Variants in DPP10 observed in about 807,000 individuals in gnomAD.
DPP10 encodes the protein inactive dipeptidyl peptidase 10.
DPP10 carries 33 observed loss-of-function variants against 120.9 expected under a neutral mutation model. That is an observed-to-expected ratio of 0.27 (90% CI 0.21 to 0.37). DPP10 has a LOEUF of 0.37. Ranked by LOEUF, DPP10 falls within the 10% of genes least tolerant of loss-of-function variation. DPP10 has a pLI of 1.00. For missense variants in DPP10, 816 were observed against 942.8 expected (o/e 0.87, Z 1.76); for synonymous variants, 337 against 326.1 (o/e 1.03, Z -0.36).
intron 1 of DPP10, among the ~76,000 whole-genome samples, chr2:115,205,847 T>C (rs2056084777): frequency 6.6e-6 from 1 of 151,944 alleles, no homozygotes; most frequent in African/African-American, 2.4e-5. Flanking sequence ...GACATAAAGA[T>C]GGGAACAGTA....
At chr2:114,979,461 T>C (rs1294776554) in intron 1 of DPP10, among the ~76,000 whole-genome samples, 4 of 152,018 alleles carry the variant, frequency 2.6e-5, no homozygotes, top group Non-Finnish European at 4.4e-5. Flanking sequence ...TTGGTAGGCT[T>C]TCTCTATTCT....
At chr2:114,682,569 AATTATT>A (rs143088528) in intron 1 of DPP10, among the ~76,000 whole-genome samples, 154 of 149,164 alleles carry the variant, frequency 1.0e-3, no homozygotes, top group African/African-American at 3.4e-3. Flanking sequence ...ATCGATGGGT[AATTATT>A]ATTATTATTA....
At chr2:114,513,463 G>A (rs1170774560) in intron 1 of DPP10, among the ~76,000 whole-genome samples, 2 of 144,088 alleles carry the variant, frequency 1.4e-5, no homozygotes, top group African/African-American at 5.2e-5. Flanking sequence ...AGAGGTGGCA[G>A]TGAGCCAAGA....
intron 1 of DPP10, among the ~76,000 whole-genome samples, chr2:115,146,005 G>A (rs1336415523): frequency 6.6e-6 from 1 of 152,016 alleles, no homozygotes; most frequent in South Asian, 2.1e-4. Flanking sequence ...ACTATGCAGA[G>A]TACTTTTCAT....
At chr2:115,184,712 C>A (rs889701306) in intron 1 of DPP10, among the ~76,000 whole-genome samples, 1 of 152,182 alleles carries the variant, frequency 6.6e-6, no homozygotes, top group Admixed American at 6.5e-5. Flanking sequence ...TTCAAACATT[C>A]GTACAGGAGA....
At chr2:115,410,096 T>A (rs954951189) in intron 3 of DPP10, among the ~76,000 whole-genome samples, 2 of 152,152 alleles carry the variant, frequency 1.3e-5, no homozygotes, top group African/African-American at 2.4e-5. Context: ...GCTAGCCAGA[T>A]CTCCCAGCCC....
At chr2:115,670,956 A>C (rs181976222) in intron 5 of DPP10, among the ~76,000 whole-genome samples, 1 of 152,216 alleles carries the variant, frequency 6.6e-6, no homozygotes, top group East Asian at 1.9e-4. Context: ...TTGGAAAAAA[A>C]TTGTTAAGCC....
Position 115,687,671 on chromosome 2 carries a change from A to G in DPP10, c.442-2016A>G, listed in dbSNP as rs150801275. 5.5e-3 allele frequency among the ~76,000 whole-genome samples: 800 copies of G among 146,596 alleles called. 4 individuals carry two copies. The highest frequency in any genetic ancestry group is 8.5e-3 in the Non-Finnish European group (549 of 64,408). ...GTTATCAGGCTAAGAACTACAGAAC[A>G]GAAGGTGGATTTATATATTCCCTTC... On this transcript the variant is annotated intron_variant, in intron 5 of 25. Transcript: ENST00000410059.
intron 11 of DPP10, 146 bp from the exon 12 acceptor site, chr2:115,762,426 A>G (rs62156287): frequency 0.095 from 71,407 of 752,850 alleles, 3,998 homozygotes; most frequent in Non-Finnish European, 0.12. Flanking sequence ...TTCAGATTAA[A>G]TCAATAATGA....
chr2:115,112,965 T>C (rs1032999241), intron 1 of DPP10, among the ~76,000 whole-genome samples: 2 of 152,194 alleles, frequency 1.3e-5, no homozygotes. Context: ...TTTGGTGGTC[T>C]ATGAGTCATT....
chr2:114,890,544 G>C (rs937971856), intron 1 of DPP10, among the ~76,000 whole-genome samples: 3 of 152,098 alleles, frequency 2.0e-5, no homozygotes, highest in African/African-American at 7.2e-5. Context: ...ATATCCCCAA[G>C]CCAACTTTTC....
chr2:115,249,540 A>G (rs534457136), intron 1 of DPP10, among the ~76,000 whole-genome samples: 3 of 152,304 alleles, frequency 2.0e-5, no homozygotes, highest in South Asian at 2.1e-4. Context: ...ATTTCATACC[A>G]TAATAAGGAG....
Position 114,825,905 on chromosome 2 carries a change from C to T in DPP10, c.60+383067C>T, listed in dbSNP as rs367815281. 4.6e-5 allele frequency among the ~76,000 whole-genome samples: 7 copies of T among 152,048 alleles called. No homozygotes were observed. In the East Asian group the frequency reaches 1.4e-3, roughly 29 times the overall value. ...GGGAGAGAGATGATTAATGGTGTAACGAAGAAATTATCATGGTGTTTCTAT... is the reference window on the plus strand; with the variant it reads ...GGGAGAGAGATGATTAATGGTGTAATGAAGAAATTATCATGGTGTTTCTAT... On this transcript the variant is annotated intron_variant, in intron 1 of 25. Transcript: ENST00000410059.
At chr2:115,052,929 G>T (rs889653265) in intron 1 of DPP10, among the ~76,000 whole-genome samples, 1 of 145,588 alleles carries the variant, frequency 6.9e-6, no homozygotes, top group Non-Finnish European at 1.5e-5. Flanking sequence ...TACAGCCTGG[G>T]TGACAGAGGG....
chr2:115,834,090 A>G (rs768017731), intron 21 of DPP10, among the ~76,000 whole-genome samples: 1 of 152,196 alleles, frequency 6.6e-6, no homozygotes, highest in Non-Finnish European at 1.5e-5. Context: ...TCTTTCCTTC[A>G]GTTACTAATC....
chr2:114,767,140 AAAC>A (rs1240733568), intron 1 of DPP10, among the ~76,000 whole-genome samples: 12 of 148,530 alleles, frequency 8.1e-5, no homozygotes, highest in Non-Finnish European at 1.8e-4. Flanking sequence ...TAAAATTAAA[AAAC>A]AACAACAACA....
At chr2:115,020,768 C>G (rs1703014751) in intron 1 of DPP10, among the ~76,000 whole-genome samples, 1 of 151,962 alleles carries the variant, frequency 6.6e-6, no homozygotes, top group Non-Finnish European at 1.5e-5. Context: ...ATATGATAGA[C>G]CACAAAGCAA....
intron 1 of DPP10, among the ~76,000 whole-genome samples, chr2:114,636,293 T>G (rs561485308): frequency 6.6e-6 from 1 of 152,010 alleles, no homozygotes; most frequent in Non-Finnish European, 1.5e-5. Flanking sequence ...CAACAAGTAG[T>G]TGATATGTAA....
intron 1 of DPP10, among the ~76,000 whole-genome samples, chr2:115,219,895 A>G (rs1180045203): frequency 6.6e-6 from 1 of 152,158 alleles, no homozygotes; most frequent in African/African-American, 2.4e-5. Flanking sequence ...GTGAATGGCT[A>G]AATATTTTAT....
Sources: gnomAD v4.1 joint callset for allele counts (sites outside exome capture counted in the v4.1 genomes callset) on GRCh38, gnomAD v4.1.1 for gene constraint, MANE v1.5 for transcripts, NCBI Gene and HGNC (gene_info 2026-07-23, HGNC 2026-07-21) for gene names.